The following NMU variants were observed in gnomAD, a reference collection of about 807,000 sequenced individuals.
NMU encodes the protein neuromedin U.
In NMU, 29 loss-of-function variants were observed where a neutral mutation model predicts 35.4. The ratio of observed to expected loss-of-function variants is 0.82; its 90% confidence interval spans 0.61 to 1.12. The LOEUF (loss-of-function observed/expected upper bound fraction) is 1.12, where lower values mean the gene tolerates loss of function less well. Ranked by LOEUF, NMU falls within the 50% of genes most tolerant of loss-of-function variation. The probability of loss-of-function intolerance (pLI) is 0.00; values close to 1 mark genes in which losing one functional copy is unlikely to be tolerated. For synonymous variants in NMU, 78 were observed against 81.3 expected (o/e 0.96, Z 0.22); for missense variants, 199 against 206.2 (o/e 0.97, Z 0.21).
intron 3 of NMU, among the ~76,000 whole-genome samples, chr4:55,610,200 C>G (rs1188970614): frequency 6.6e-6 from 1 of 152,150 alleles, no homozygotes; most frequent in Admixed American, 6.5e-5. Context: ...CAGGGGCTCA[C>G]GCCTGTAATG....
chr4:55,624,319 A>C (rs1734432931), intron 2 of NMU, among the ~76,000 whole-genome samples: 1 of 85,444 alleles, frequency 1.2e-5, no homozygotes, highest in African/African-American at 3.8e-5. Context: ...ACAAATTTAC[A>C]AGAAAAAAAC....
At chr4:55,629,610 T>C (rs971113684) in intron 2 of NMU, among the ~76,000 whole-genome samples, 1 of 54,072 alleles carries the variant, frequency 1.8e-5, no homozygotes, top group African/African-American at 8.0e-5. Context: ...AGCAAGACCA[T>C]GTCTCAAAAA....
At position 55,630,775 on chromosome 4, in the gene NMU, A is replaced by G. The variant is rs189904741; in HGVS notation, c.113-315T>C. On this transcript the variant is annotated intron_variant, in intron 1 of 9. Transcript: ENST00000264218. ...ACTGCCCAAAGCAATCTACAGATTC[A>G]ATGCAATTCCCATCAAAACACCAAC... Among the ~76,000 whole-genome samples the G allele has an allele frequency of 5.5e-4, 84 of 152,276 alleles. 1 individual carries two copies. The highest frequency in any genetic ancestry group is 9.7e-4 in the Non-Finnish European group (66 of 68,002).
rs1410860388 is a variant in NMU at position 55,628,651 on chromosome 4, C to CT, written c.171+1750_171+1751insA. ...GTAGCTGGGATTACAGGCACCATGC[C>CT]CGGATAATTTTTGTGTTATTAGTAG... is the stretch of plus-strand genomic sequence containing the variant. On this transcript the variant is annotated intron_variant, in intron 2 of 9. Transcript: ENST00000264218. 1.5e-3 allele frequency among the ~76,000 whole-genome samples: 230 copies of CT among 151,970 alleles called. 1 individual carries two copies. The highest frequency in any genetic ancestry group is 4.9e-3 in the African/African-American group (202 of 41,464).
chr4:55,628,315 T>C (rs973348434), intron 2 of NMU, among the ~76,000 whole-genome samples: 2 of 152,286 alleles, frequency 1.3e-5, no homozygotes, highest in South Asian at 4.1e-4. Context: ...ACTTTTTTTA[T>C]ATCTCTATTT....
At position 55,600,562 on chromosome 4, in the gene NMU, C is replaced by T; in HGVS notation, c.449G>A (p.Ser150Asn). ...TCCTCGACTTTGACTTGCAAAGGGA[C>T]TTTGGAATTCTTCCTAGAAGAGAAA... ...KRFRVDEEFQSPFASQSRGYF... is the reference protein window; with the variant it reads ...KRFRVDEEFQNPFASQSRGYF... Residue 150 changes from serine (S) to asparagine (N), a missense_variant, in exon 8 of 10, where the codon AGT (serine) becomes AAT (asparagine). By Grantham distance (46) the Ser-to-Asn change is conservative. Coordinates refer to ENST00000264218, the MANE Select transcript of NMU (RefSeq NM_006681.4). 3.7e-6 allele frequency: 6 copies of T among 1,609,476 alleles called. No individual in the cohort carries two copies. The highest frequency in any genetic ancestry group is 5.1e-6 in the Non-Finnish European group (6 of 1,176,076).
intron 7 of NMU, among the ~76,000 whole-genome samples, chr4:55,603,166 T>G (rs1009010840): frequency 2.6e-5 from 4 of 152,114 alleles, no homozygotes; most frequent in Non-Finnish European, 5.9e-5. Context: ...CAGCTGATTT[T>G]TTTTTGTTTT....
intron 9 of NMU, 128 bp downstream of exon 9, chr4:55,599,014 A>G (rs1304749448): frequency 2.1e-5 from 14 of 653,564 alleles, no homozygotes; most frequent in African/African-American, 3.6e-5. Context: ...ATGCAATCAA[A>G]TAATAGAAAT....
At position 55,600,004 on chromosome 4, in the gene NMU, C is replaced by A. The variant is rs563889083; in HGVS notation, c.489+518G>T. On this transcript the variant is annotated intron_variant, in intron 8 of 9. Coordinates refer to ENST00000264218, the MANE Select transcript of NMU (RefSeq NM_006681.4). The stretch of plus-strand genomic sequence containing the variant: ...ACTTTCTGGTAATGTATTAAGGATG[C>A]AAATATTTTGCAAAGTGTAGCTGCC... Among the ~76,000 whole-genome samples, 188 of 152,132 alleles carry A rather than the reference C, an allele frequency of 1.2e-3. 1 individual carries two copies. The highest frequency in any genetic ancestry group is 4.2e-3 in the African/African-American group (174 of 41,518).
At position 55,607,479 on chromosome 4, in the gene NMU, G is replaced by T. The variant is rs555473175; in HGVS notation, c.280-13C>A. The T allele has an allele frequency of 1.7e-4, 154 of 887,768 alleles. 1 individual carries two copies. In the South Asian group the frequency reaches 2.2e-3, roughly 13 times the overall value. 55.0% of individuals were successfully genotyped at this position (887,768 alleles called of 1,614,324 possible). ...TTTCATCTTGTTCCTATTGAAAAGA[G>T]ATATTGTATATATCATTATATATTG... On this transcript the variant is annotated splice_polypyrimidine_tract_variant and intron_variant, in intron 4 of 9. Coordinates refer to ENST00000264218, the MANE Select transcript of NMU (RefSeq NM_006681.4).
intron 9 of NMU, among the ~76,000 whole-genome samples, chr4:55,598,089 G>GTTTTTTTTTTTTTTTTT (rs10588154): frequency 1.2e-5 from 1 of 85,392 alleles, no homozygotes; most frequent in Non-Finnish European, 2.2e-5. Flanking sequence ...TTTGGTTGTG[G>GTTTTTTTTTTTTTTTTT]TTTTTTTTTT....
At chr4:55,597,972 G>A (rs2110178302) in intron 9 of NMU, among the ~76,000 whole-genome samples, 1 of 150,016 alleles carries the variant, frequency 6.7e-6, no homozygotes, top group East Asian at 2.0e-4. Context: ...ACAGATTTTT[G>A]CTTTGTTTAC....
intron 7 of NMU, among the ~76,000 whole-genome samples, chr4:55,601,853 T>C (rs977086046): frequency 3.3e-5 from 5 of 151,766 alleles, no homozygotes; most frequent in Admixed American, 2.0e-4. Flanking sequence ...CCAGGTGTGA[T>C]GGCATACACC....
chr4:55,607,564 A>G, intron 4 of NMU, 98 bp from the exon 5 acceptor site: 3 of 442,490 alleles, frequency 6.8e-6, no homozygotes, highest in Middle Eastern at 6.3e-4. Context: ...AATTATTTAA[A>G]ACACATGACT....
intron 2 of NMU, among the ~76,000 whole-genome samples, chr4:55,616,870 T>C (rs1330937171): frequency 6.6e-6 from 1 of 152,164 alleles, no homozygotes; most frequent in African/African-American, 2.4e-5. Flanking sequence ...ATCTCTCCCA[T>C]GAAACCAGTA....
chr4:55,629,589 A>T (rs1039997713), intron 2 of NMU, among the ~76,000 whole-genome samples: 6 of 138,542 alleles, frequency 4.3e-5, no homozygotes, highest in Admixed American at 7.9e-5. Flanking sequence ...ACTGCACTCC[A>T]GCATGGTGAC....
intron 3 of NMU, among the ~76,000 whole-genome samples, chr4:55,614,884 T>C (rs1224978693): frequency 2.6e-5 from 4 of 152,262 alleles, no homozygotes; most frequent in Non-Finnish European, 5.9e-5. Flanking sequence ...TAATTTGAAA[T>C]ATTGTTCAAA....
intron 2 of NMU, among the ~76,000 whole-genome samples, chr4:55,626,531 C>T (rs1330266465): frequency 6.6e-6 from 1 of 152,116 alleles, no homozygotes; most frequent in Non-Finnish European, 1.5e-5. Flanking sequence ...ATGGCAAGAC[C>T]CTGTCTCCAC....
intron 3 of NMU, among the ~76,000 whole-genome samples, chr4:55,616,036 A>G (rs1035747501): frequency 6.6e-6 from 1 of 152,226 alleles, no homozygotes; most frequent in Non-Finnish European, 1.5e-5. Flanking sequence ...GGCATGAGCC[A>G]CTGCACCCTG....
Sources: gnomAD v4.1 joint callset for allele counts (sites outside exome capture counted in the v4.1 genomes callset) on GRCh38, gnomAD v4.1.1 for gene constraint, MANE v1.5 for transcripts, NCBI Gene and HGNC (gene_info 2026-07-23, HGNC 2026-07-21) for gene names.